The following MARCHF10 variants were observed in gnomAD, a reference collection of about 807,000 sequenced individuals.
The protein encoded by MARCHF10 is membrane associated ring-CH-type finger 10, also known as probable E3 ubiquitin-protein ligase MARCHF10.
A neutral mutation model predicts 76.2 loss-of-function variants in MARCHF10; 64 were observed. The observed-to-expected ratio is 0.84, with a 90% CI of 0.69 to 1.03. MARCHF10 has a LOEUF of 1.03. MARCHF10 is among the 50% of genes least tolerant of loss of function. The pLI, the probability that MARCHF10 is intolerant of heterozygous loss-of-function variation, is 0.00. For synonymous variants in MARCHF10, 340 were observed against 357.5 expected, an observed-to-expected ratio of 0.95 and a Z score of 0.55; for missense variants, 875 against 958.0, an observed-to-expected ratio of 0.91 and a Z score of 1.14.
At chr17:62,760,601 A>G (rs988404788) in intron 3 of MARCHF10, among the ~76,000 whole-genome samples, 1 of 152,246 alleles carries the variant, frequency 6.6e-6, no homozygotes, top group African/African-American at 2.4e-5. Context: ...CTGTGTCAGA[A>G]TATCTCAACA....
chr17:62,746,463 A>AG lies in MARCHF10; in HGVS notation c.383-1936_383-1935insC, dbSNP rs1568151723. Among the ~76,000 whole-genome samples the AG allele has an allele frequency of 7.8e-4, 118 of 150,748 alleles. No homozygotes were observed. The East Asian group carries it at 0.016, about 21-fold the overall frequency. On this transcript the variant is annotated intron_variant, in intron 4 of 10. Coordinates refer to ENST00000311269, the MANE Select transcript of MARCHF10 (RefSeq NM_152598.4). ...GGAAGGTGAGAGAGTGAGAGACAGA[A>AG]AGACAGAGAGAGAGAGAGGGATCAG...
rs780608983 is a variant in MARCHF10, at chr17:62,737,250, C to T, written c.618G>A (p.Ser206=). ...PNQERRNLVP[S]SQPMTENAPD... is the part of the protein sequence containing the mutation. ...GGGCGTTCTCAGTCATTGGCTGTGA[C>T]GATGGGACCAAGTTTCTTCTCTCTT... The change falls in exon 6 of 11, where the codon TCG becomes TCA. Residue 206 remains serine (S), a synonymous_variant. Transcript: ENST00000311269. The T allele has an allele frequency of 9.1e-5, 147 of 1,613,790 alleles. No individual in the cohort carries two copies. The highest frequency in any genetic ancestry group is 3.2e-4 in the Admixed American group (19 of 59,902).
chr17:62,795,282 T>C (rs967500136), intron 2 of MARCHF10, among the ~76,000 whole-genome samples: 2 of 148,196 alleles, frequency 1.3e-5, no homozygotes, highest in African/African-American at 5.0e-5. Flanking sequence ...AAATGCCAAG[T>C]GTAATCTTTG....
rs1216923458 is a variant in MARCHF10, at chr17:62,787,176, AGACTC to A, written c.210+1299_210+1303del. 2.6e-5 allele frequency among the ~76,000 whole-genome samples: 4 copies of A among 152,198 alleles called. No individual in the cohort carries two copies. The East Asian group carries it at 7.7e-4, about 29-fold the overall frequency. ...TTGTGAGATAGTCTCTTTCACCTTC[AGACTC>A]TAAGTGAAATATTTTATTGTACGAT... On this transcript the variant is annotated intron_variant, in intron 3 of 10. Coordinates refer to ENST00000311269, the MANE Select transcript of MARCHF10 (RefSeq NM_152598.4).
At chr17:62,733,379 T>A (rs1377052380) in intron 6 of MARCHF10, among the ~76,000 whole-genome samples, 1 of 152,216 alleles carries the variant, frequency 6.6e-6, no homozygotes, top group Non-Finnish European at 1.5e-5. Context: ...AATGCCTAAC[T>A]TCATTAAGTC....
intron 3 of MARCHF10, among the ~76,000 whole-genome samples, chr17:62,762,598 G>A (rs1372338113): frequency 6.6e-6 from 1 of 152,080 alleles, no homozygotes; most frequent in Admixed American, 6.5e-5. Flanking sequence ...CCAGGCTGGA[G>A]TGCAATAGCG....
At chr17:62,765,981 C>A (rs1025569376) in intron 3 of MARCHF10, among the ~76,000 whole-genome samples, 1 of 150,392 alleles carries the variant, frequency 6.6e-6, no homozygotes, top group Non-Finnish European at 1.5e-5. Flanking sequence ...GGCACTTGAG[C>A]CCAGGAGTTT....
In MARCHF10 at chr17:62,712,710, T is replaced by C. The variant is rs150142806; in HGVS notation, c.2215-1366A>G. On this transcript the variant is annotated intron_variant, in intron 8 of 10. Coordinates refer to ENST00000311269, the MANE Select transcript of MARCHF10 (RefSeq NM_152598.4). The surrounding 1 kb of genome is among the most constrained non-coding windows in gnomAD (Gnocchi z 4.2). The stretch of plus-strand genomic sequence containing the variant: ...TCTGCTGACCTTGGCCTAGAGTGAG[T>C]AGAGAAGAAGTTGCTTGTTTGCATT... 4.1e-4 allele frequency among the ~76,000 whole-genome samples: 62 copies of C among 152,272 alleles called. 1 individual carries two copies. In the East Asian group the frequency reaches 0.011, roughly 27 times the overall value.
rs546340515 is a variant in MARCHF10, at chr17:62,702,099, C to T, written c.2372-341G>A. ...TCAGGGTAAGGCCCCACTTGAACCC[C>T]CGCTTCCTAATTTGGCAGGGAAGGG... On this transcript the variant is annotated intron_variant, in intron 10 of 10. Coordinates refer to ENST00000311269, the MANE Select transcript of MARCHF10 (RefSeq NM_152598.4). 3.3e-5 allele frequency among the ~76,000 whole-genome samples: 5 copies of T among 152,302 alleles called. No homozygotes were observed. In the East Asian group the frequency reaches 5.8e-4, roughly 18 times the overall value.
At chr17:62,715,053 C>T (rs561659630) in intron 8 of MARCHF10, among the ~76,000 whole-genome samples, 5 of 152,318 alleles carry the variant, frequency 3.3e-5, no homozygotes, top group South Asian at 2.1e-4. Context: ...GGCCTCACTG[C>T]TCCTCCTTTC....
chr17:62,726,491 C>T (rs1479839249), intron 6 of MARCHF10, among the ~76,000 whole-genome samples: 1 of 152,224 alleles, frequency 6.6e-6, no homozygotes, highest in Non-Finnish European at 1.5e-5. Flanking sequence ...CAATACATTT[C>T]AACATAATTT....
intron 4 of MARCHF10, among the ~76,000 whole-genome samples, chr17:62,754,132 A>G (rs1030408681): frequency 1.1e-4 from 16 of 152,040 alleles, no homozygotes; most frequent in Non-Finnish European, 5.9e-5. Context: ...GAGTGCAGTG[A>G]CACAATCTCG....
At chr17:62,705,087 C>T in intron 10 of MARCHF10, 1 of 1,054,708 alleles carries the variant, frequency 9.5e-7, no homozygotes, top group Non-Finnish European at 1.1e-6. Context: ...CAGCAGACCC[C>T]AAATCCACCA....
Position 62,701,732 on chromosome 17 carries a change from C to T in MARCHF10, c.2398G>A (p.Gly800Ser). 1.2e-6 allele frequency: 2 copies of T among 1,614,160 alleles called. No homozygotes were observed. Among genetic ancestry groups the T allele is most frequent in the South Asian group, 1.1e-5 (1 of 91,078 alleles). Reference protein sequence around the residue: ...ENSELGDGNEGSISQSQVV With the variant: ...ENSELGDGNESSISQSQVV ...ACGACCTGGCTTTGAGAAATGCTGC[C>T]TTCATTTCCATCTCCCAACTCCGAA... The change falls in exon 11 of 11, where the codon GGC (glycine) becomes AGC (serine). Residue 800 changes from glycine to serine, a missense_variant. Physicochemically the swap from Gly to Ser is moderately conservative, Grantham distance 56. Coordinates refer to ENST00000311269, the MANE Select transcript of MARCHF10 (RefSeq NM_152598.4).
chr17:62,743,948 C>A (rs1326519486), intron 5 of MARCHF10, among the ~76,000 whole-genome samples: 1 of 152,176 alleles, frequency 6.6e-6, no homozygotes, highest in Non-Finnish European at 1.5e-5. Context: ...CACATCCTCC[C>A]TATCCCAGGA....
chr17:62,784,777 G>A (rs554889592), intron 3 of MARCHF10, among the ~76,000 whole-genome samples: 1 of 152,256 alleles, frequency 6.6e-6, no homozygotes, highest in East Asian at 1.9e-4. Flanking sequence ...ATTCACAATT[G>A]CTACAAAGAG....
chr17:62,758,387 C>A (rs1394794074), intron 4 of MARCHF10, among the ~76,000 whole-genome samples: 1 of 151,978 alleles, frequency 6.6e-6, no homozygotes, highest in Non-Finnish European at 1.5e-5. Flanking sequence ...CAACAAAAAA[C>A]AAAAAAACCC....
intron 3 of MARCHF10, among the ~76,000 whole-genome samples, chr17:62,765,202 A>T (rs889445652): frequency 1.9e-4 from 27 of 140,616 alleles, no homozygotes; most frequent in South Asian, 4.7e-4. Flanking sequence ...CAAAAAAAAA[A>T]TTAGCTGGGC....
intron 3 of MARCHF10, among the ~76,000 whole-genome samples, chr17:62,764,441 G>A (rs2092282791): frequency 6.6e-6 from 1 of 152,178 alleles, no homozygotes; most frequent in Admixed American, 6.5e-5. Flanking sequence ...TGCTGTGGAT[G>A]GGAGGGAAAA....
Sources: allele counts gnomAD v4.1 joint callset (sites outside exome capture counted in the v4.1 genomes callset), GRCh38; gene constraint gnomAD v4.1.1; non-coding constraint Gnocchi (gnomAD v3.1); transcripts MANE v1.5; gene names NCBI Gene and HGNC (gene_info 2026-07-23, HGNC 2026-07-21).